Variants in IMMP2L observed in about 807,000 individuals in gnomAD.
IMMP2L encodes mitochondrial inner membrane protease subunit 2.
Under a neutral mutation model 19.3 loss-of-function variants are expected in IMMP2L, and 18 were observed. The observed-to-expected ratio is 0.93, with a 90% confidence interval of 0.64 to 1.38. The LOEUF (loss-of-function observed/expected upper bound fraction) is 1.38, where lower values mean the gene tolerates loss of function less well. IMMP2L is among the 40% of genes most tolerant of loss of function. IMMP2L has a pLI of 0.00. For synonymous variants in IMMP2L, 76 were observed against 73.0 expected (o/e 1.04, Z -0.21); for missense variants, 233 against 218.2 (o/e 1.07, Z -0.43).
chr7:110,676,415 G>GC (rs1792304737), intron 5 of IMMP2L, among the ~76,000 whole-genome samples: 1 of 152,216 alleles, frequency 6.6e-6, no homozygotes, highest in South Asian at 2.1e-4. Flanking sequence ...CCATTGTTCA[G>GC]CAACCCCTGA....
chr7:110,853,786 T>C (rs1426959893), intron 5 of IMMP2L, among the ~76,000 whole-genome samples: 1 of 152,028 alleles, frequency 6.6e-6, no homozygotes, highest in Non-Finnish European at 1.5e-5. Flanking sequence ...AATTTTTATG[T>C]AGGTTTCTTC....
intron 4 of IMMP2L, among the ~76,000 whole-genome samples, chr7:110,920,487 G>T (rs1440733643): frequency 6.6e-6 from 1 of 152,156 alleles, no homozygotes; most frequent in Non-Finnish European, 1.5e-5. Flanking sequence ...TAAAGTTTTT[G>T]AAAGTGATTT....
intron 5 of IMMP2L, among the ~76,000 whole-genome samples, chr7:110,748,824 A>G (rs1025977084): frequency 2.0e-5 from 3 of 152,234 alleles, no homozygotes; most frequent in South Asian, 2.1e-4. Flanking sequence ...AATACCATTC[A>G]GGACATTGGC....
At chr7:111,385,451 G>A (rs906363745) in intron 3 of IMMP2L, among the ~76,000 whole-genome samples, 2 of 152,086 alleles carry the variant, frequency 1.3e-5, no homozygotes, top group African/African-American at 4.8e-5. Flanking sequence ...AAGACCCATA[G>A]CGCTACCCTA....
chr7:111,100,429 T>A (rs540487352), intron 3 of IMMP2L, among the ~76,000 whole-genome samples: 122 of 148,064 alleles, frequency 8.2e-4, no homozygotes, highest in African/African-American at 3.0e-3. Flanking sequence ...TAATAAAATA[T>A]ATGTAATGAA....
chr7:111,454,872 GA>G (rs970340857), intron 3 of IMMP2L, among the ~76,000 whole-genome samples: 1 of 151,962 alleles, frequency 6.6e-6, no homozygotes, highest in Non-Finnish European at 1.5e-5. Flanking sequence ...GAAACCATAA[GA>G]AAACATCAGG....
intron 3 of IMMP2L, among the ~76,000 whole-genome samples, chr7:111,301,005 G>A (rs947337566): frequency 6.6e-6 from 1 of 152,044 alleles, no homozygotes; most frequent in South Asian, 2.1e-4. Context: ...AGGTTCATAG[G>A]AAACTGCCAC....
At chr7:111,263,773 G>A (rs985353448) in intron 3 of IMMP2L, among the ~76,000 whole-genome samples, 2 of 152,094 alleles carry the variant, frequency 1.3e-5, no homozygotes, top group African/African-American at 4.8e-5. Flanking sequence ...ACTGAGTAGC[G>A]ACTAGGGAAA....
intron 4 of IMMP2L, among the ~76,000 whole-genome samples, chr7:110,941,439 A>G (rs551122409): frequency 1.3e-5 from 2 of 152,326 alleles, no homozygotes; most frequent in African/African-American, 4.8e-5. Context: ...TTTGCTTTAC[A>G]CAAACAAAAG....
At chr7:111,206,867 G>A (rs181218224) in intron 3 of IMMP2L, among the ~76,000 whole-genome samples, 135 of 152,172 alleles carry the variant, frequency 8.9e-4, no homozygotes, top group African/African-American at 3.2e-3. Flanking sequence ...CTCATCAGGG[G>A]AGATGATTTT....
intron 3 of IMMP2L, 86 bp from the exon 4 acceptor site, chr7:110,963,651 A>T (rs904474566): frequency 5.3e-6 from 4 of 755,726 alleles, no homozygotes; most frequent in Non-Finnish European, 8.5e-6. Flanking sequence ...AAAATAGGCT[A>T]TATTAAAGTC....
At chr7:111,508,594 G>A (rs112205708) in intron 2 of IMMP2L, among the ~76,000 whole-genome samples, 3,038 of 152,258 alleles carry the variant, frequency 0.02, 104 homozygotes, top group African/African-American at 0.069. Flanking sequence ...TGAAGGCAGG[G>A]AAGTCCCCAG....
chr7:111,304,811 A>G lies in IMMP2L; in HGVS notation c.239+182427T>C, dbSNP rs1197396760. ...GTTACTTTAAAAAATATATAATTAG[A>G]AGGGAAATTTAAGAAAGTTTAAACC... On this transcript the variant is annotated intron_variant, in intron 3 of 5. Transcript: ENST00000405709. Among the ~76,000 whole-genome samples the G allele has an allele frequency of 2.0e-5, 3 of 151,710 alleles. No individual in the cohort carries two copies. In the East Asian group the frequency reaches 5.8e-4, roughly 29 times the overall value.
intron 3 of IMMP2L, chr7:111,392,138 A>C (rs1832418815): frequency 1.6e-6 from 1 of 612,456 alleles, no homozygotes; most frequent in Non-Finnish European, 2.9e-6. Flanking sequence ...TCAGACAACA[A>C]CATACTTTTA....
intron 3 of IMMP2L, among the ~76,000 whole-genome samples, chr7:111,414,102 C>T (rs1334411445): frequency 6.6e-6 from 1 of 151,638 alleles, no homozygotes; most frequent in Non-Finnish European, 1.5e-5. Context: ...TGAACTTGAC[C>T]CCCTCCTCAG....
At chr7:111,040,749 A>T (rs1411432709) in intron 3 of IMMP2L, among the ~76,000 whole-genome samples, 1 of 149,048 alleles carries the variant, frequency 6.7e-6, no homozygotes, top group Non-Finnish European at 1.5e-5. Flanking sequence ...AATCTTATAA[A>T]CCTTATAAAA....
At chr7:110,680,209 G>A (rs562612340) in intron 5 of IMMP2L, among the ~76,000 whole-genome samples, 5 of 152,246 alleles carry the variant, frequency 3.3e-5, no homozygotes, top group South Asian at 2.1e-4. Flanking sequence ...TAGGTAGGAC[G>A]CCCTTAACAT....
chr7:110,984,295 A>G (rs1277751170), intron 3 of IMMP2L, among the ~76,000 whole-genome samples: 1 of 151,978 alleles, frequency 6.6e-6, no homozygotes. Context: ...TATCACCAAA[A>G]AAAAAAAACC....
At chr7:111,144,622 A>T (rs1803273328) in intron 3 of IMMP2L, among the ~76,000 whole-genome samples, 1 of 152,110 alleles carries the variant, frequency 6.6e-6, no homozygotes, top group Non-Finnish European at 1.5e-5. Flanking sequence ...GAGTTAAAAC[A>T]TATTAAATCC....
Sources: gnomAD v4.1 joint callset for allele counts (sites outside exome capture counted in the v4.1 genomes callset) on GRCh38, gnomAD v4.1.1 for gene constraint, MANE v1.5 for transcripts, NCBI Gene and HGNC (gene_info 2026-07-23, HGNC 2026-07-21) for gene names.